Variants in BMAL2 observed in about 807,000 individuals in gnomAD.
BMAL2 encodes basic helix-loop-helix ARNT-like protein 2.
the BMAL2 span, chr12:27,423,337 TTTTTTTTTTTG>T: frequency 7.1e-6 from 1 of 140,934 alleles, no homozygotes; most frequent in African/African-American, 2.7e-5. Context: ...TTTTTTTTTT[TTTTTTTTTTTG>T]AGATGGAGTC....
At chr12:27,420,283 T>C in the BMAL2 span, 1 of 1,365,146 alleles carries the variant, frequency 7.3e-7, no homozygotes, top group East Asian at 2.4e-5. Flanking sequence ...TTTATGGTTT[T>C]CTAGCCTTGC....
chr12:27,423,102 A>T, the BMAL2 span: 1 of 152,180 alleles, frequency 6.6e-6, no homozygotes, highest in African/African-American at 2.4e-5. Flanking sequence ...CATGCATTGT[A>T]TGATACCGTA....
chr12:27,368,339 G>C, the BMAL2 span: 2 of 1,614,038 alleles, frequency 1.2e-6, no homozygotes, highest in Admixed American at 1.7e-5. Context: ...AAGACCAACA[G>C]CTATGGGGTC....
the BMAL2 span, chr12:27,420,453 C>A: frequency 6.2e-7 from 1 of 1,613,824 alleles, no homozygotes; most frequent in Non-Finnish European, 8.5e-7. Flanking sequence ...ACAGCCATGG[C>A]TGCATTTATG....
At chr12:27,402,941 C>A in the BMAL2 span, among the ~76,000 whole-genome samples, 2 of 152,146 alleles carry the variant, frequency 1.3e-5, no homozygotes, top group African/African-American at 4.8e-5. Context: ...TATAATCTTG[C>A]ATTATACTGC....
the BMAL2 span, among the ~76,000 whole-genome samples, chr12:27,342,754 A>T: frequency 6.6e-6 from 1 of 152,246 alleles, no homozygotes; most frequent in Non-Finnish European, 1.5e-5. Context: ...CATTGTAGGT[A>T]GGCCATCTCT....
At chr12:27,406,992 A>C in the BMAL2 span, among the ~76,000 whole-genome samples, 8 of 150,564 alleles carry the variant, frequency 5.3e-5, no homozygotes, top group African/African-American at 2.0e-4. Context: ...AAAAGAGACA[A>C]AGAAGGCCAT....
the BMAL2 span, among the ~76,000 whole-genome samples, chr12:27,351,589 A>G: frequency 6.6e-6 from 1 of 152,154 alleles, no homozygotes; most frequent in East Asian, 1.9e-4. Flanking sequence ...TAATCACCCC[A>G]GGGCCAGATA....
chr12:27,370,362 C>A, the BMAL2 span: 37 of 641,156 alleles, frequency 5.8e-5, no homozygotes, highest in Non-Finnish European at 9.4e-5. Flanking sequence ...CTGCCCCAAT[C>A]CTTCCTTTAT....
the BMAL2 span, among the ~76,000 whole-genome samples, chr12:27,357,401 T>C: frequency 8.5e-5 from 13 of 152,206 alleles, no homozygotes; most frequent in African/African-American, 3.1e-4. Context: ...CCCATGCTCA[T>C]GGATGGGTAG....
the BMAL2 span, chr12:27,425,136 T>C: frequency 6.6e-6 from 1 of 152,246 alleles, no homozygotes; most frequent in African/African-American, 2.4e-5. Flanking sequence ...TTGTCTTTTA[T>C]ACAATTTTTA....
the BMAL2 span, among the ~76,000 whole-genome samples, chr12:27,408,199 T>A: frequency 6.6e-6 from 1 of 152,104 alleles, no homozygotes; most frequent in South Asian, 2.1e-4. Flanking sequence ...TCTGAAACTA[T>A]TCCAATCAAT....
chr12:27,370,292 G>A, the BMAL2 span: 4 of 1,254,868 alleles, frequency 3.2e-6, no homozygotes, highest in Non-Finnish European at 3.5e-6. Flanking sequence ...TAGAGTGGCA[G>A]TGAAAACATG....
chr12:27,401,551 C>A, the BMAL2 span: 1 of 1,603,982 alleles, frequency 6.2e-7, no homozygotes, highest in South Asian at 1.1e-5. Flanking sequence ...AAAATACTTA[C>A]AGATTCCTAC....
chr12:27,362,715 G>A, the BMAL2 span, among the ~76,000 whole-genome samples: 2 of 151,766 alleles, frequency 1.3e-5, no homozygotes, highest in Non-Finnish European at 2.9e-5. Context: ...TTTTTTTTTA[G>A]TTTACTTGTT....
chr12:27,339,810 T>A, the BMAL2 span, among the ~76,000 whole-genome samples: 1 of 152,110 alleles, frequency 6.6e-6, no homozygotes, highest in Non-Finnish European at 1.5e-5. Context: ...TATGAGGTGG[T>A]AATCTGATTG....
chr12:27,373,203 A>G, the BMAL2 span, among the ~76,000 whole-genome samples: 1 of 152,198 alleles, frequency 6.6e-6, no homozygotes. Context: ...AGGAAGGGAC[A>G]TATGACACAC....
At chr12:27,388,931 A>G in the BMAL2 span, among the ~76,000 whole-genome samples, 1 of 152,202 alleles carries the variant, frequency 6.6e-6, no homozygotes, top group African/African-American at 2.4e-5. Context: ...GATTTAGCAG[A>G]ATACTAGCAA....
chr12:27,410,623 A>T, the BMAL2 span, among the ~76,000 whole-genome samples: 1 of 152,196 alleles, frequency 6.6e-6, no homozygotes, highest in Admixed American at 6.5e-5. Context: ...GAGGGACAGC[A>T]TTAGGAGATA....
Sources: gnomAD v4.1 joint callset for allele counts (sites outside exome capture counted in the v4.1 genomes callset) on GRCh38, gnomAD v4.1.1 for gene constraint, MANE v1.5 for transcripts, NCBI Gene and HGNC (gene_info 2026-07-23, HGNC 2026-07-21) for gene names.